Variants in HK2 observed in about 807,000 individuals in gnomAD.
HK2 encodes hexokinase 2, also known as hexokinase-2.
In HK2, 42 loss-of-function variants were observed where a neutral mutation model predicts 92.9. The ratio of observed to expected loss-of-function variants is 0.45; its 90% CI spans 0.35 to 0.58. HK2 has a LOEUF of 0.58. Ranked by LOEUF, HK2 falls within the 20% of genes least tolerant of loss-of-function variation. HK2 has a pLI of 0.00. For missense variants in HK2, 978 were observed against 1,245.1 expected, an observed-to-expected ratio of 0.79 and a Z score of 3.23; for synonymous variants, 422 against 468.0, an observed-to-expected ratio of 0.90 and a Z score of 1.27.
intron 3 of HK2, among the ~76,000 whole-genome samples, chr2:74,870,046 C>T (rs1432040853): frequency 2.0e-5 from 3 of 146,838 alleles, no homozygotes; most frequent in Admixed American, 6.9e-5. Context: ...GTCACCCAAG[C>T]GTGACACCCA....
In HK2 at chr2:74,834,486, G is replaced by A. The variant is rs1368486298; in HGVS notation, c.-95G>A. On this transcript the variant is annotated 5_prime_UTR_variant, in exon 1 of 18. Coordinates refer to ENST00000290573, the MANE Select transcript of HK2 (RefSeq NM_000189.5). This position sits in a 1 kb window ranked among gnomAD's most constrained non-coding sequence, Gnocchi z 4.2. Reference sequence around the variant, plus strand: ...ACTCCCAGCTCCCGGCCCGGCAGCCGAGCCCCAGCACAAAGCAGTCGGACC... The same window carrying A: ...ACTCCCAGCTCCCGGCCCGGCAGCCAAGCCCCAGCACAAAGCAGTCGGACC... 2.4e-5 allele frequency: 31 copies of A among 1,284,610 alleles called. No individual in the cohort carries two copies. The highest frequency in any genetic ancestry group is 2.1e-4 in the East Asian group (9 of 42,004). The allele number at this position is 1,284,610 out of a possible 1,614,324, so 79.6% of individuals were successfully genotyped here. A position where few individuals can be genotyped will look rare whatever the true frequency, so the allele number is the denominator to read the frequency against.
At chr2:74,842,782 G>A (rs532182410) in intron 1 of HK2, among the ~76,000 whole-genome samples, 2 of 152,358 alleles carry the variant, frequency 1.3e-5, no homozygotes, top group African/African-American at 4.8e-5. Flanking sequence ...CTCTACAGAG[G>A]TGGCTCCCCC....
Position 74,834,613 on chromosome 2 carries a change from C to T in HK2, c.33C>T (p.Phe11=), listed in dbSNP as rs1213917069. 14 of 1,613,970 alleles carry T rather than the reference C, an allele frequency of 8.7e-6. No homozygotes were observed. Among genetic ancestry groups the T allele is most frequent in the East Asian group, 4.5e-5 (2 of 44,842 alleles). The change falls in exon 1 of 18, where the codon TTC becomes TTT. Residue 11 remains phenylalanine, a synonymous_variant. Coordinates refer to ENST00000290573, the MANE Select transcript of HK2 (RefSeq NM_000189.5). The surrounding 1 kb of genome is among the most constrained non-coding windows in gnomAD (Gnocchi z 4.2). ...CCTCGCATCTGCTTGCCTACTTCTT[C>T]ACGGAGCTCAACCATGACCAAGTGC... MIASHLLAYF[F]TELNHDQVQK...
At chr2:74,854,722 G>C (rs150979316) in intron 2 of HK2, among the ~76,000 whole-genome samples, 106 of 152,294 alleles carry the variant, frequency 7.0e-4, no homozygotes, top group African/African-American at 2.4e-3. Context: ...GCTGAGAAAG[G>C]CTGCTTGGCT....
chr2:74,834,598 GC>G lies in HK2; in HGVS notation c.19del (p.Ala8ProfsTer54). 1 of 1,613,950 alleles carries G rather than the reference GC, an allele frequency of 6.2e-7. No individual in the cohort carries two copies. Among genetic ancestry groups the G allele is most frequent in the Non-Finnish European group, 8.5e-7 (1 of 1,179,846 alleles). Reference protein sequence around the residue: MIASHLLAYFFTELNHD... With the variant: MIASHLXAYFFTELNHD... ...GCGGCAGGATGATTGCCTCGCATCT[GC>G]TTGCCTACTTCTTCACGGAGCTCAA... On this transcript the variant is annotated frameshift_variant, in exon 1 of 18. Coordinates refer to ENST00000290573, the MANE Select transcript of HK2 (RefSeq NM_000189.5). LOFTEE classifies it high-confidence loss of function. The surrounding 1 kb of genome is among the most constrained non-coding windows in gnomAD (Gnocchi z 4.2).
At chr2:74,862,454 T>C (rs1688852586) in intron 2 of HK2, among the ~76,000 whole-genome samples, 2 of 152,192 alleles carry the variant, frequency 1.3e-5, no homozygotes, top group African/African-American at 2.4e-5. Flanking sequence ...AGAGTGAAAG[T>C]TGTGCTGGGG....
At chr2:74,867,988 AAAAGGAGTGACT>A (rs1364751366) in intron 3 of HK2, 1 of 597,200 alleles carries the variant, frequency 1.7e-6, no homozygotes, top group East Asian at 3.1e-5. Context: ...ACTCAGTATT[AAAAGGAGTGACT>A]AGAGAAGAAG....
intron 2 of HK2, among the ~76,000 whole-genome samples, chr2:74,863,738 C>A (rs907035518): frequency 6.6e-5 from 10 of 152,132 alleles, no homozygotes; most frequent in African/African-American, 2.4e-4. Flanking sequence ...TCCCCTCAAC[C>A]CAGAGTCACC....
chr2:74,880,245 C>T lies in HK2; in HGVS notation c.1266-20C>T, dbSNP rs1247608215. The T allele has an allele frequency of 2.5e-6, 4 of 1,613,894 alleles. No homozygotes were observed. The highest frequency in any genetic ancestry group is 2.2e-5 in the East Asian group (1 of 44,884). ...CCTAACCATGGACACCTGTCTCTTA[C>T]CCGCCCTGGGGAACTGCAGTTTTGC... is the stretch of plus-strand genomic sequence containing the variant. On this transcript the variant is annotated intron_variant, in intron 9 of 17. Coordinates refer to ENST00000290573, the MANE Select transcript of HK2 (RefSeq NM_000189.5).
intron 2 of HK2, among the ~76,000 whole-genome samples, chr2:74,855,945 C>T (rs376061314): frequency 1.3e-5 from 2 of 152,006 alleles, no homozygotes; most frequent in African/African-American, 4.8e-5. Flanking sequence ...TAGGTGCCTC[C>T]ATTTTAGAGA....
At chr2:74,877,443 A>G (rs3771760) in intron 8 of HK2, 122 bp downstream of exon 8, 198,043 of 1,118,998 alleles carry the variant, frequency 0.18, 18,079 homozygotes, top group Middle Eastern at 0.22. Flanking sequence ...AGGGTCTCAC[A>G]TGACGTGGAC....
At chr2:74,859,810 A>T (rs768865487) in intron 2 of HK2, among the ~76,000 whole-genome samples, 15 of 152,190 alleles carry the variant, frequency 9.9e-5, no homozygotes, top group Non-Finnish European at 1.9e-4. Context: ...CCATCCAGCA[A>T]TCTCACTATT....
chr2:74,880,406 C>T lies in HK2; in HGVS notation c.1407C>T (p.Ala469=). ...ACCGGCTGGCCGATCAACACCGTGC[C>T]CGCCAGAAGACATTAGAGCATCTGC... is the stretch of plus-strand genomic sequence containing the variant. The part of the protein sequence containing the change: ...VAYRLADQHR[A]RQKTLEHLQL... Residue 469 remains alanine (A), a synonymous_variant, in exon 10 of 18, where the codon GCC becomes GCT. Coordinates refer to ENST00000290573, the MANE Select transcript of HK2 (RefSeq NM_000189.5). 1 of 1,614,224 alleles carries T rather than the reference C, an allele frequency of 6.2e-7. No homozygotes were observed. Among genetic ancestry groups the T allele is most frequent in the East Asian group, 2.2e-5 (1 of 44,886 alleles).
chr2:74,888,467 C>T (rs1235160663), intron 16 of HK2, among the ~76,000 whole-genome samples: 10 of 152,236 alleles, frequency 6.6e-5, no homozygotes, highest in Non-Finnish European at 2.9e-5. Context: ...AAGGTTGGAA[C>T]GTCAGGCAAT....
intron 1 of HK2, among the ~76,000 whole-genome samples, chr2:74,847,666 T>C (rs971618776): frequency 6.6e-6 from 1 of 152,130 alleles, no homozygotes; most frequent in African/African-American, 2.4e-5. Context: ...GATTGCGTCA[T>C]TGCACTCCAG....
chr2:74,881,756 G>A lies in HK2; in HGVS notation c.1616G>A (p.Arg539Gln), dbSNP rs1180054076. 5.6e-6 allele frequency: 9 copies of A among 1,614,030 alleles called. No homozygotes were observed. Among genetic ancestry groups the A allele is most frequent in the East Asian group, 4.5e-5 (2 of 44,892 alleles). The change falls in exon 11 of 18, where the codon CGG (arginine) becomes CAG (glutamine). Residue 539 changes from arginine to glutamine, a missense_variant. Transcript: ENST00000290573. Reference sequence around the variant, plus strand: ...TTGGACCTTGGAGGAACAAATTTCCGGGTCCTGCTGGTCCGTGTTCGGAAT... The same window carrying A: ...TTGGACCTTGGAGGAACAAATTTCCAGGTCCTGCTGGTCCGTGTTCGGAAT... ...LALDLGGTNFRVLLVRVRNGK... is the reference protein window; with the variant it reads ...LALDLGGTNFQVLLVRVRNGK...
At chr2:74,882,319 A>G in intron 12 of HK2, 80 bp downstream of exon 12, 1 of 1,604,608 alleles carries the variant, frequency 6.2e-7, no homozygotes, top group Non-Finnish European at 8.5e-7. Context: ...AGCAGGGGAG[A>G]AAGTTGAGCT....
In HK2 at chr2:74,870,001, C is replaced by CTT. The variant is rs66946936; in HGVS notation, c.375+2234_375+2235dup. Among the ~76,000 whole-genome samples the CTT allele has an allele frequency of 3.3e-3, 402 of 121,474 alleles. 2 individuals are homozygous for CTT. The highest frequency in any genetic ancestry group is 0.012 in the African/African-American group (369 of 31,074). The allele number at this position is 121,474 out of a possible 152,430, so 79.7% of individuals were successfully genotyped here. On this transcript the variant is annotated intron_variant, in intron 3 of 17. Coordinates refer to ENST00000290573, the MANE Select transcript of HK2 (RefSeq NM_000189.5). ...TTTAAGGTCTTTTTTCTTTTCTTTTCTTTTTTTTTTTTTTTTTTGAGACAG... is the reference window on the plus strand; with the variant it reads ...TTTAAGGTCTTTTTTCTTTTCTTTTCTTTTTTTTTTTTTTTTTTTTGAGACAG...
chr2:74,864,855 G>C (rs180966326), intron 2 of HK2, among the ~76,000 whole-genome samples: 2 of 152,344 alleles, frequency 1.3e-5, no homozygotes, highest in Admixed American at 1.3e-4. Flanking sequence ...TTTCACGTAA[G>C]CATCACAACC....
Sources: gnomAD v4.1 joint callset for allele counts (sites outside exome capture counted in the v4.1 genomes callset) on GRCh38, gnomAD v4.1.1 for gene constraint, Gnocchi (gnomAD v3.1) non-coding constraint, MANE v1.5 for transcripts, NCBI Gene and HGNC (gene_info 2026-07-23, HGNC 2026-07-21) for gene names.